Variants in BCL2L13 observed in about 807,000 individuals in gnomAD.
The protein encoded by BCL2L13 is bcl-2-like protein 13.
BCL2L13 carries 13 observed loss-of-function variants against 25.8 expected under a neutral mutation model. The ratio of observed to expected loss-of-function variants is 0.50; its 90% CI spans 0.33 to 0.80. The LOEUF is 0.80. Among genes scored for constraint, BCL2L13 ranks in the 30% least tolerant of loss-of-function variants. The pLI, the probability that BCL2L13 is intolerant of heterozygous loss-of-function variation, is 0.02. For synonymous variants in BCL2L13, 244 were observed against 230.3 expected, an observed-to-expected ratio of 1.06 and a Z score of -0.54; for missense variants, 504 against 574.9, an observed-to-expected ratio of 0.88 and a Z score of 1.26.
intron 6 of BCL2L13, among the ~76,000 whole-genome samples, chr22:17,719,153 C>CAAAAAAAAAAAAAAA (rs59630355): frequency 2.2e-5 from 1 of 45,494 alleles, no homozygotes; most frequent in Non-Finnish European, 4.0e-5. Context: ...GGCTCTGTCT[C>CAAAAAAAAAAAAAAA]AAAAAAAAAA....
chr22:17,666,923 G>A (rs1224256204), intron 2 of BCL2L13, among the ~76,000 whole-genome samples: 1 of 151,976 alleles, frequency 6.6e-6, no homozygotes, highest in East Asian at 1.9e-4. Context: ...CTGACCTAGT[G>A]ATCCTCCTGC....
intron 1 of BCL2L13, among the ~76,000 whole-genome samples, chr22:17,632,645 T>C (rs879316011): frequency 1.3e-5 from 2 of 152,148 alleles, no homozygotes; most frequent in Non-Finnish European, 2.9e-5. Context: ...TAATTCTACA[T>C]GTCAAATTGT....
chr22:17,689,845 A>G (rs2060053242), intron 4 of BCL2L13, among the ~76,000 whole-genome samples: 1 of 146,612 alleles, frequency 6.8e-6, no homozygotes, highest in African/African-American at 2.5e-5. Flanking sequence ...TCCATCTCAA[A>G]AAAAAAAAAA....
rs2145846536 is a variant in BCL2L13 at position 17,726,714 on chromosome 22, A to G, written c.638A>G (p.Tyr213Cys). The change falls in exon 7 of 7, where the codon TAC (tyrosine) becomes TGC (cysteine). Residue 213 changes from tyrosine to cysteine, a missense_variant. Transcript: ENST00000317582. ...AGTCTTGAGTCAGAGGAGGAGGAAT[A>G]CCCTGGAATCACTGCAGAAGATAGC... ...VFSLESEEEE[Y>C]PGITAEDSND... The G allele has an allele frequency of 3.7e-6, 6 of 1,614,118 alleles. No homozygotes were observed. The highest frequency in any genetic ancestry group is 5.1e-6 in the Non-Finnish European group (6 of 1,180,022).
intron 2 of BCL2L13, among the ~76,000 whole-genome samples, chr22:17,678,279 C>T (rs1297307587): frequency 6.6e-6 from 1 of 152,034 alleles, no homozygotes. Flanking sequence ...CTGCCTCGGC[C>T]TCCCAAAGTG....
At chr22:17,635,859 G>A (rs374964252), upstream of BCL2L13, among the ~76,000 whole-genome samples, 53 of 134,374 alleles carry the variant, frequency 3.9e-4, no homozygotes, top group Middle Eastern at 3.7e-3. Flanking sequence ...GAAGGTGCGC[G>A]CCACCATGCC....
intron 2 of BCL2L13, among the ~76,000 whole-genome samples, chr22:17,676,580 A>G: frequency 6.6e-6 from 1 of 152,208 alleles, no homozygotes; most frequent in Admixed American, 6.6e-5. Context: ...GTTTTCCAGG[A>G]AGCTGGAAGG....
chr22:17,680,511 CAAAAAAAA>C (rs770410371), intron 2 of BCL2L13, among the ~76,000 whole-genome samples: 13 of 13,344 alleles, frequency 9.7e-4, no homozygotes, highest in African/African-American at 1.8e-3. Flanking sequence ...GACTCTGTCT[CAAAAAAAA>C]AAAAAAAAAA....
At chr22:17,642,343 G>C (rs977208723) in intron 1 of BCL2L13, among the ~76,000 whole-genome samples, 10 of 151,728 alleles carry the variant, frequency 6.6e-5, no homozygotes, top group African/African-American at 2.2e-4. Flanking sequence ...ATTTTTAGTA[G>C]AGACGGGGTT....
intron 2 of BCL2L13, among the ~76,000 whole-genome samples, chr22:17,682,409 T>G (rs937256605): frequency 2.6e-4 from 40 of 152,288 alleles, no homozygotes; most frequent in African/African-American, 9.4e-4. Context: ...GCTAGAAGTA[T>G]ATCATCTAAA....
chr22:17,692,232 G>C (rs2060127014), intron 4 of BCL2L13: 1 of 152,170 alleles, frequency 6.6e-6, no homozygotes, highest in South Asian at 2.1e-4. Flanking sequence ...AGCTCACTAG[G>C]TAGGATTGGT....
At position 17,726,763 on chromosome 22, in the gene BCL2L13, C is replaced by T. The variant is rs371469012; in HGVS notation, c.687C>T (p.Ser229=). The part of the protein sequence containing the change: ...EDSNDIYILP[S]DNSGQVSPPE... Reference sequence around the variant, plus strand: ...GCAATGACATTTACATCCTGCCCAGCGACAACTCTGGACAAGTCAGTCCCC... The same window carrying T: ...GCAATGACATTTACATCCTGCCCAGTGACAACTCTGGACAAGTCAGTCCCC... Residue 229 remains serine, a synonymous_variant, in exon 7 of 7, where the codon AGC becomes AGT. Transcript: ENST00000317582. 2.6e-5 allele frequency: 42 copies of T among 1,614,092 alleles called. No homozygotes were observed. In the African/African-American group the frequency reaches 2.9e-4, roughly 11 times the overall value.
intron 6 of BCL2L13, among the ~76,000 whole-genome samples, chr22:17,713,321 A>G (rs940996734): frequency 1.3e-5 from 2 of 152,196 alleles, no homozygotes; most frequent in African/African-American, 4.8e-5. Context: ...AGAGCCAATT[A>G]TTTAGTTGCT....
At chr22:17,648,120 CAA>C (rs547174034) in intron 1 of BCL2L13, among the ~76,000 whole-genome samples, 12 of 114,416 alleles carry the variant, frequency 1.0e-4, no homozygotes, top group African/African-American at 1.3e-4. Flanking sequence ...GACTCTGTCT[CAA>C]AAAAAAAAAA....
rs571342087 is a variant in BCL2L13 at position 17,727,861 on chromosome 22, T to G, written c.*327T>G. 57 of 321,102 alleles carry G rather than the reference T, an allele frequency of 1.8e-4. 1 individual carries two copies. The highest frequency in any genetic ancestry group is 1.3e-3 in the South Asian group (23 of 17,708). The allele number at this position is 321,102 out of a possible 1,614,324, so 19.9% of individuals were successfully genotyped here. ...TGGGGCTGTCCTGTGTGTGGTGGGC[T>G]CCACCCACTAGATGCCAGTGGCACC... On this transcript the variant is annotated 3_prime_UTR_variant, in exon 7 of 7. Transcript: ENST00000317582.
In BCL2L13 at chr22:17,728,102, C is replaced by G; in HGVS notation, c.*568C>G. 1.3e-5 allele frequency: 2 copies of G among 156,416 alleles called. No individual in the cohort carries two copies. The highest frequency in any genetic ancestry group is 1.9e-4 in the South Asian group (1 of 5,264). 9.7% of individuals were successfully genotyped at this position (156,416 alleles called of 1,614,324 possible). On this transcript the variant is annotated 3_prime_UTR_variant, in exon 7 of 7. Coordinates refer to ENST00000317582, the MANE Select transcript of BCL2L13 (RefSeq NM_015367.4). ...AATTTCATCTTTCTCGATGAGCAGG[C>G]TCTGCACCCACTCTTTTTTTGCCCC...
chr22:17,703,386 G>C (rs911309458), intron 6 of BCL2L13: 1 of 152,122 alleles, frequency 6.6e-6, no homozygotes, highest in African/African-American at 2.4e-5. Flanking sequence ...TTGCTACTAT[G>C]GTGGTAGATT....
chr22:17,713,003 G>A (rs991221749), intron 6 of BCL2L13, among the ~76,000 whole-genome samples: 2 of 152,156 alleles, frequency 1.3e-5, no homozygotes, highest in African/African-American at 4.8e-5. Context: ...TGGGCTTCGG[G>A]TATGGGAGAG....
At chr22:17,635,741 A>G (rs1446195945), upstream of BCL2L13, among the ~76,000 whole-genome samples, 1 of 150,724 alleles carries the variant, frequency 6.6e-6, no homozygotes, top group Non-Finnish European at 1.5e-5. Flanking sequence ...ACAGAGTCTC[A>G]CTCTGTCGCC....
Sources: gnomAD v4.1 joint callset for allele counts (sites outside exome capture counted in the v4.1 genomes callset) on GRCh38, gnomAD v4.1.1 for gene constraint, MANE v1.5 for transcripts, NCBI Gene and HGNC (gene_info 2026-07-23, HGNC 2026-07-21) for gene names.